CMSS1: variants seen among roughly 807,000 people sequenced by gnomAD.
CMSS1 encodes the protein cms1 ribosomal small subunit homolog, also known as protein CMSS1.
Under a neutral mutation model 43.5 loss-of-function variants are expected in CMSS1, and 33 were observed. The observed-to-expected ratio is 0.76, with a 90% CI of 0.57 to 1.01. CMSS1 has a LOEUF of 1.01. Among genes scored for constraint, CMSS1 ranks in the 50% least tolerant of loss-of-function variants. The probability of loss-of-function intolerance (pLI) is 0.00; values close to 1 mark genes in which losing one functional copy is unlikely to be tolerated. For synonymous variants in CMSS1, 115 were observed against 117.2 expected, an observed-to-expected ratio of 0.98 and a Z score of 0.12; for missense variants, 313 against 326.4, an observed-to-expected ratio of 0.96 and a Z score of 0.32.
chr3:99,883,030 AATTCT>A (rs63163260), intron 1 of CMSS1, among the ~76,000 whole-genome samples: 40,063 of 151,846 alleles, frequency 0.26, 5,924 homozygotes, highest in Admixed American at 0.34. Context: ...GTACATGAGA[AATTCT>A]ATTATAATTT....
rs572881527 is a variant in CMSS1 at position 99,976,426 on chromosome 3, G to A, written c.64+158383G>A. On this transcript the variant is annotated intron_variant, in intron 1 of 9. Coordinates refer to ENST00000421999, the MANE Select transcript of CMSS1 (RefSeq NM_032359.4). ...TCCAAAAGAAATTCATAGATATCATGAACTTAGAAACAGTAACCCCCCAAG... is the reference window on the plus strand; with the variant it reads ...TCCAAAAGAAATTCATAGATATCATAAACTTAGAAACAGTAACCCCCCAAG... Among the ~76,000 whole-genome samples the A allele has an allele frequency of 6.6e-5, 10 of 152,276 alleles. No homozygotes were observed. The South Asian group carries it at 2.1e-3, about 32-fold the overall frequency.
intron 1 of CMSS1, among the ~76,000 whole-genome samples, chr3:99,819,647 G>A (rs1462447385): frequency 6.6e-6 from 1 of 152,078 alleles, no homozygotes. Context: ...TGAAAGTCAC[G>A]CTTTTCCCGC....
chr3:99,967,723 C>T (rs1708695663), intron 1 of CMSS1, among the ~76,000 whole-genome samples: 1 of 152,158 alleles, frequency 6.6e-6, no homozygotes, highest in Non-Finnish European at 1.5e-5. Flanking sequence ...TACAGAATGA[C>T]ACTAATGGAT....
chr3:100,132,143 C>T (rs1013381552), intron 1 of CMSS1, among the ~76,000 whole-genome samples: 5 of 152,180 alleles, frequency 3.3e-5, no homozygotes, highest in African/African-American at 9.7e-5. Context: ...TGGTGACTCA[C>T]GCCTGTAATC....
At chr3:100,039,470 A>G (rs2065164646) in intron 1 of CMSS1, among the ~76,000 whole-genome samples, 1 of 152,186 alleles carries the variant, frequency 6.6e-6, no homozygotes, top group South Asian at 2.1e-4. Flanking sequence ...TTTAATACTT[A>G]ATGGAAAGGA....
chr3:100,145,361 T>G (rs1000374924), intron 1 of CMSS1, among the ~76,000 whole-genome samples: 3 of 151,870 alleles, frequency 2.0e-5, no homozygotes, highest in Non-Finnish European at 2.9e-5. Context: ...GGCAGGAGAA[T>G]CGCTTGAATC....
intron 1 of CMSS1, among the ~76,000 whole-genome samples, chr3:99,971,209 A>G (rs1249970960): frequency 6.6e-6 from 1 of 152,106 alleles, no homozygotes; most frequent in Admixed American, 6.5e-5. Flanking sequence ...GCCTGGTGGC[A>G]GATGCCTGTA....
intron 1 of CMSS1, chr3:99,848,308 T>G: frequency 6.2e-7 from 1 of 1,614,058 alleles, no homozygotes; most frequent in African/African-American, 1.3e-5. Context: ...AATTTGTGAT[T>G]GTCGAGGAAG....
At chr3:99,869,715 G>A (rs1257145540) in intron 1 of CMSS1, among the ~76,000 whole-genome samples, 2 of 152,124 alleles carry the variant, frequency 1.3e-5, no homozygotes, top group Admixed American at 6.5e-5. Flanking sequence ...CAAATGTGAT[G>A]TTTTACATTC....
intron 1 of CMSS1, among the ~76,000 whole-genome samples, chr3:99,869,676 A>G (rs1194621911): frequency 6.6e-6 from 1 of 152,204 alleles, no homozygotes. Context: ...CTTCAAATTT[A>G]ACAGGCAGAC....
intron 1 of CMSS1, among the ~76,000 whole-genome samples, chr3:99,884,487 G>A (rs1705829846): frequency 6.6e-6 from 1 of 152,162 alleles, no homozygotes; most frequent in Non-Finnish European, 1.5e-5. Flanking sequence ...AGTGGAAAGG[G>A]AAGGGAAAGG....
At chr3:100,011,081 T>A (rs891614881) in intron 1 of CMSS1, among the ~76,000 whole-genome samples, 2 of 152,164 alleles carry the variant, frequency 1.3e-5, no homozygotes, top group East Asian at 3.8e-4. Context: ...TGGTCTGTGA[T>A]AATAGAAGAT....
chr3:99,856,247 G>A (rs185353800), intron 1 of CMSS1, among the ~76,000 whole-genome samples: 1 of 152,358 alleles, frequency 6.6e-6, no homozygotes, highest in East Asian at 1.9e-4. Context: ...AGTTTGCTAA[G>A]AAGTTTGTTT....
intron 1 of CMSS1, chr3:99,849,011 G>A (rs1943515317): frequency 6.2e-7 from 1 of 1,614,124 alleles, no homozygotes; most frequent in African/African-American, 1.3e-5. Flanking sequence ...AGATCTCCAG[G>A]TTGCACAAAG....
intron 2 of CMSS1, among the ~76,000 whole-genome samples, chr3:100,154,339 AT>A (rs1269063085): frequency 3.9e-5 from 6 of 151,986 alleles, no homozygotes; most frequent in Admixed American, 2.6e-4. Flanking sequence ...ATGTATTTTT[AT>A]TTTTGTTTAG....
intron 1 of CMSS1, among the ~76,000 whole-genome samples, chr3:100,047,227 GTGT>G (rs1417395273): frequency 2.0e-5 from 3 of 152,174 alleles, no homozygotes; most frequent in Non-Finnish European, 4.4e-5. Flanking sequence ...TCGGAGGGAA[GTGT>G]TGTTATTTTC....
chr3:100,171,775 A>C, intron 6 of CMSS1, 64 bp from the exon 7 acceptor site: 2 of 1,244,216 alleles, frequency 1.6e-6, no homozygotes. Context: ...CATAATACTT[A>C]AGTAGTCATC....
intron 1 of CMSS1, among the ~76,000 whole-genome samples, chr3:99,956,460 C>A (rs1477934956): frequency 6.6e-6 from 1 of 152,162 alleles, no homozygotes; most frequent in African/African-American, 2.4e-5. Context: ...TCAAGTGATT[C>A]TTGTGTCTCA....
At chr3:100,075,263 C>T (rs896854519) in intron 1 of CMSS1, among the ~76,000 whole-genome samples, 1 of 152,154 alleles carries the variant, frequency 6.6e-6, no homozygotes, top group South Asian at 2.1e-4. Context: ...AAATAATGGA[C>T]TTCTAATGAC....
Sources: gnomAD v4.1 joint callset for allele counts (sites outside exome capture counted in the v4.1 genomes callset) on GRCh38, gnomAD v4.1.1 for gene constraint, MANE v1.5 for transcripts, NCBI Gene and HGNC (gene_info 2026-07-23, HGNC 2026-07-21) for gene names.